Variants in HS6ST3 observed in about 807,000 individuals in gnomAD.
HS6ST3 encodes the protein heparan sulfate 6-O-sulfotransferase 3.
In HS6ST3, 12 loss-of-function variants were observed where a neutral mutation model predicts 36.7. That is an observed-to-expected ratio of 0.33 (90% CI 0.21 to 0.53). HS6ST3 has a LOEUF of 0.53. HS6ST3 is among the 20% of genes least tolerant of loss of function. The pLI is 0.95. For synonymous variants in HS6ST3, 240 were observed against 257.5 expected, an observed-to-expected ratio of 0.93 and a Z score of 0.65; for missense variants, 584 against 640.9, an observed-to-expected ratio of 0.91 and a Z score of 0.96.
Position 96,275,855 on chromosome 13 carries a change from CTTTT to C in HS6ST3, c.707+184298_707+184301del, listed in dbSNP as rs766378075. 7.7e-5 allele frequency among the ~76,000 whole-genome samples: 11 copies of C among 142,698 alleles called. No individual in the cohort carries two copies. The East Asian group carries it at 1.9e-3, about 24-fold the overall frequency. The allele number at this position is 142,698 out of a possible 152,430, so 93.6% of individuals were successfully genotyped here. On this transcript the variant is annotated intron_variant, in intron 1 of 1. Coordinates refer to ENST00000376705, the MANE Select transcript of HS6ST3 (RefSeq NM_153456.4). ...TACCATTCTTCTTCTCTCTGTCTCT[CTTTT>C]TTTTTTTTTTTGGTGGTGGTGGTTC...
intron 1 of HS6ST3, among the ~76,000 whole-genome samples, chr13:96,346,598 TAAAAC>T (rs1393180837): frequency 2.0e-5 from 3 of 151,300 alleles, no homozygotes; most frequent in African/African-American, 7.3e-5. Flanking sequence ...ATAATAATAA[TAAAAC>T]AAAGCCAGAA....
At chr13:96,745,851 C>A (rs1876548524) in intron 1 of HS6ST3, among the ~76,000 whole-genome samples, 1 of 152,040 alleles carries the variant, frequency 6.6e-6, no homozygotes, top group East Asian at 1.9e-4. Flanking sequence ...TCCTCTTGAA[C>A]CCGCTTCTAT....
intron 1 of HS6ST3, among the ~76,000 whole-genome samples, chr13:96,505,805 G>A (rs934123005): frequency 1.8e-4 from 27 of 152,090 alleles, no homozygotes; most frequent in African/African-American, 5.8e-4. Context: ...ATAGAACTAA[G>A]AAAATGGTGG....
At chr13:96,587,250 T>G (rs1357652707) in intron 1 of HS6ST3, among the ~76,000 whole-genome samples, 1 of 152,188 alleles carries the variant, frequency 6.6e-6, no homozygotes, top group East Asian at 1.9e-4. Flanking sequence ...TTTATTTATT[T>G]TTTTTGCTCA....
intron 1 of HS6ST3, among the ~76,000 whole-genome samples, chr13:96,150,369 C>T (rs548167239): frequency 6.6e-6 from 1 of 152,068 alleles, no homozygotes; most frequent in Non-Finnish European, 1.5e-5. Context: ...TAGAAGTTCT[C>T]ACTCTGGTCA....
Position 96,141,852 on chromosome 13 carries a change from C to T in HS6ST3, c.707+50283C>T, listed in dbSNP as rs141885377. On this transcript the variant is annotated intron_variant, in intron 1 of 1. Coordinates refer to ENST00000376705, the MANE Select transcript of HS6ST3 (RefSeq NM_153456.4). ...TGGAAGAAAACCCTGAGAGAGAGAA[C>T]GTCATGAAAGTCTAGAAGGGTGACA... Among the ~76,000 whole-genome samples the T allele has an allele frequency of 4.5e-4, 68 of 152,108 alleles. No homozygotes were observed. The East Asian group carries it at 9.3e-3, about 21-fold the overall frequency.
chr13:96,091,551 G>A lies in HS6ST3; in HGVS notation c.689G>A (p.Arg230His), dbSNP rs1301808006. ...PAIMEKKDCPRNHSHTRNFYY... is the reference protein window; with the variant it reads ...PAIMEKKDCPHNHSHTRNFYY... Reference sequence around the variant, plus strand: ...ATCATGGAGAAGAAGGACTGTCCCCGCAACCACAGCCACACCAGGTACTGT... The same window carrying A: ...ATCATGGAGAAGAAGGACTGTCCCCACAACCACAGCCACACCAGGTACTGT... The change falls in exon 1 of 2, where the codon CGC becomes CAC. Residue 230 changes from arginine (R) to histidine (H), a missense_variant. This residue lies in a region of HS6ST3 where 360 missense variants were observed against 411.3 expected (regional missense o/e 0.88). Coordinates refer to ENST00000376705, the MANE Select transcript of HS6ST3 (RefSeq NM_153456.4). The A allele has an allele frequency of 1.3e-6, 2 of 1,580,068 alleles. No individual in the cohort carries two copies. Among genetic ancestry groups the A allele is most frequent in the Non-Finnish European group, 1.7e-6 (2 of 1,169,272 alleles).
intron 1 of HS6ST3, among the ~76,000 whole-genome samples, chr13:96,216,257 A>G (rs1310490837): frequency 5.9e-5 from 9 of 152,180 alleles, no homozygotes; most frequent in Non-Finnish European, 1.0e-4. Context: ...TTTGCATTGC[A>G]TATACATTTT....
chr13:96,098,442 T>C (rs973702446), intron 1 of HS6ST3, among the ~76,000 whole-genome samples: 3 of 151,656 alleles, frequency 2.0e-5, no homozygotes, highest in Admixed American at 2.0e-4. Flanking sequence ...TCAAGAGAGG[T>C]TGGAGGAAAA....
intron 1 of HS6ST3, among the ~76,000 whole-genome samples, chr13:96,271,842 A>C (rs1394394775): frequency 6.6e-6 from 1 of 151,978 alleles, no homozygotes; most frequent in African/African-American, 2.4e-5. Context: ...GGATAACTCT[A>C]AACTGACACC....
At chr13:96,211,910 T>A (rs941012757) in intron 1 of HS6ST3, among the ~76,000 whole-genome samples, 1 of 152,142 alleles carries the variant, frequency 6.6e-6, no homozygotes, top group African/African-American at 2.4e-5. Context: ...ATGAGATAAA[T>A]GGGAACTGGA....
Position 96,623,048 on chromosome 13 carries a change from C to T in HS6ST3, c.708-209442C>T, listed in dbSNP as rs185248890. On this transcript the variant is annotated intron_variant, in intron 1 of 1. Coordinates refer to ENST00000376705, the MANE Select transcript of HS6ST3 (RefSeq NM_153456.4). ...TCTCATAGTTCTATTATCTGAAATC[C>T]TTAGGATCTATTATTTTTTATTTAT... is the stretch of plus-strand genomic sequence containing the variant. Among the ~76,000 whole-genome samples the T allele has an allele frequency of 3.9e-3, 592 of 152,194 alleles. 1 individual carries two copies. Among genetic ancestry groups the T allele is most frequent in the Middle Eastern group, 0.017 (5 of 294 alleles).
chr13:96,500,260 C>T (rs2055997677), intron 1 of HS6ST3, among the ~76,000 whole-genome samples: 1 of 152,136 alleles, frequency 6.6e-6, no homozygotes, highest in Non-Finnish European at 1.5e-5. Flanking sequence ...GGTATCAGCA[C>T]TCCGTTTCTT....
At chr13:96,574,319 C>T in intron 1 of HS6ST3, 1 of 384,326 alleles carries the variant, frequency 2.6e-6, no homozygotes, top group Non-Finnish European at 5.1e-6. Flanking sequence ...CTCATTTTCA[C>T]CTGAGTCCTT....
At chr13:96,435,666 A>G (rs2055638073) in intron 1 of HS6ST3, among the ~76,000 whole-genome samples, 1 of 152,182 alleles carries the variant, frequency 6.6e-6, no homozygotes, top group South Asian at 2.1e-4. Flanking sequence ...GAATTCCCTC[A>G]TTCCCTTGAT....
chr13:96,615,392 C>A (rs754746149), intron 1 of HS6ST3, among the ~76,000 whole-genome samples: 2 of 152,168 alleles, frequency 1.3e-5, no homozygotes, highest in Non-Finnish European at 2.9e-5. Flanking sequence ...CATGTAATTG[C>A]AGAAAAGGTG....
chr13:96,156,021 T>C (rs537821126), intron 1 of HS6ST3, among the ~76,000 whole-genome samples: 7 of 152,308 alleles, frequency 4.6e-5, no homozygotes, highest in African/African-American at 1.7e-4. Flanking sequence ...TGATTGTCAT[T>C]CTCTTTCTCT....
chr13:96,479,066 T>A (rs2055877390), intron 1 of HS6ST3, among the ~76,000 whole-genome samples: 1 of 152,196 alleles, frequency 6.6e-6, no homozygotes, highest in Admixed American at 6.5e-5. Flanking sequence ...AAATAGTGTC[T>A]GTGTCAAGGA....
At chr13:96,157,661 A>G (rs2054116464) in intron 1 of HS6ST3, among the ~76,000 whole-genome samples, 1 of 152,232 alleles carries the variant, frequency 6.6e-6, no homozygotes, top group Non-Finnish European at 1.5e-5. Context: ...TAAGAACTAG[A>G]GGGTTATATT....
Sources: gnomAD v4.1 joint callset for allele counts (sites outside exome capture counted in the v4.1 genomes callset) on GRCh38, gnomAD v4.1.1 for gene constraint, gnomAD v4.1.1 regional missense constraint, MANE v1.5 for transcripts, NCBI Gene and HGNC (gene_info 2026-07-23, HGNC 2026-07-21) for gene names.